The following ANKRD6 variants were observed in gnomAD, a reference collection of about 807,000 sequenced individuals.
The protein encoded by ANKRD6 is ankyrin repeat domain-containing protein 6.
In ANKRD6, 56 loss-of-function variants were observed where a neutral mutation model predicts 82.3. That is an observed-to-expected ratio of 0.68 (90% CI 0.55 to 0.85). The LOEUF (loss-of-function observed/expected upper bound fraction) is 0.85, where lower values mean the gene tolerates loss of function less well. ANKRD6 is among the 40% of genes least tolerant of loss of function. ANKRD6 has a pLI of 0.00. For missense variants in ANKRD6, 852 were observed against 907.6 expected (o/e 0.94, Z 0.79); for synonymous variants, 347 against 352.1 (o/e 0.99, Z 0.16).
chr6:89,487,979 C>T (rs1349289826), intron 1 of ANKRD6, among the ~76,000 whole-genome samples: 2 of 152,220 alleles, frequency 1.3e-5, no homozygotes, highest in Admixed American at 6.5e-5. Context: ...AAAGAAATTG[C>T]TGCAAGTTGG....
chr6:89,448,796 C>T (rs1369455703), intron 1 of ANKRD6, among the ~76,000 whole-genome samples: 4 of 151,988 alleles, frequency 2.6e-5, no homozygotes, highest in East Asian at 1.9e-4. Flanking sequence ...TTTGGGAGGC[C>T]GAGATGGGCG....
At chr6:89,626,262 A>G (rs1358870950) in intron 13 of ANKRD6, among the ~76,000 whole-genome samples, 2 of 152,200 alleles carry the variant, frequency 1.3e-5, no homozygotes, top group East Asian at 1.9e-4. Flanking sequence ...GGAATGAGAG[A>G]TGAATGTTGG....
intron 1 of ANKRD6, among the ~76,000 whole-genome samples, chr6:89,564,953 A>G (rs1788154690): frequency 1.3e-5 from 2 of 152,164 alleles, no homozygotes; most frequent in South Asian, 4.1e-4. Flanking sequence ...GTGATTTTGC[A>G]ATATTTGGGC....
chr6:89,477,101 C>T (rs996616631), intron 1 of ANKRD6, among the ~76,000 whole-genome samples: 3 of 152,090 alleles, frequency 2.0e-5, no homozygotes, highest in Non-Finnish European at 4.4e-5. Context: ...CCCCCTACCA[C>T]GCCCGGCTAA....
chr6:89,534,585 A>G (rs1156670328), intron 1 of ANKRD6, among the ~76,000 whole-genome samples: 1 of 152,158 alleles, frequency 6.6e-6, no homozygotes, highest in East Asian at 1.9e-4. Flanking sequence ...TTTCTTGATT[A>G]GACCTCTCCT....
At chr6:89,570,301 T>C (rs575848616) in intron 2 of ANKRD6, among the ~76,000 whole-genome samples, 86 of 152,248 alleles carry the variant, frequency 5.6e-4, no homozygotes, top group African/African-American at 2.0e-3. Flanking sequence ...TCTCAAGTGA[T>C]CTTCCCTCCT....
At chr6:89,528,264 T>C (rs1335139595) in intron 1 of ANKRD6, among the ~76,000 whole-genome samples, 1 of 152,268 alleles carries the variant, frequency 6.6e-6, no homozygotes, top group South Asian at 2.1e-4. Context: ...TCAAATCCTA[T>C]TGCTGCCTTG....
intron 1 of ANKRD6, among the ~76,000 whole-genome samples, chr6:89,489,034 C>A (rs1432722455): frequency 6.6e-6 from 1 of 152,152 alleles, no homozygotes; most frequent in Non-Finnish European, 1.5e-5. Context: ...TTTCTTAGGA[C>A]TGTGGGTTGA....
intron 2 of ANKRD6, among the ~76,000 whole-genome samples, chr6:89,573,916 A>G (rs1411135281): frequency 6.6e-6 from 1 of 152,148 alleles, no homozygotes; most frequent in Non-Finnish European, 1.5e-5. Flanking sequence ...CACCCAGTGA[A>G]TGGTACCCTG....
intron 1 of ANKRD6, among the ~76,000 whole-genome samples, chr6:89,471,517 T>TGGGGAGAGGAGG (rs1274896076): frequency 6.6e-6 from 1 of 151,998 alleles, no homozygotes; most frequent in African/African-American, 2.4e-5. Context: ...GTGGATTACC[T>TGGGGAGAGGAGG]AATGTTACAG....
At chr6:89,593,882 C>T (rs1301881001) in intron 2 of ANKRD6, among the ~76,000 whole-genome samples, 1 of 152,206 alleles carries the variant, frequency 6.6e-6, no homozygotes, top group African/African-American at 2.4e-5. Flanking sequence ...GTTATTTCTT[C>T]TGGATGTCAC....
intron 2 of ANKRD6, among the ~76,000 whole-genome samples, chr6:89,576,116 A>G (rs1039353716): frequency 1.3e-5 from 2 of 151,138 alleles, no homozygotes; most frequent in Non-Finnish European, 2.9e-5. Context: ...CAGTGGTGCG[A>G]TCTCAGCTCA....
chr6:89,503,363 A>G (rs761724644), intron 1 of ANKRD6, among the ~76,000 whole-genome samples: 18 of 152,222 alleles, frequency 1.2e-4, no homozygotes, highest in Non-Finnish European at 2.4e-4. Context: ...ATTAGAGGAC[A>G]GAAGGCCATT....
At position 89,629,624 on chromosome 6, in the gene ANKRD6, T is replaced by G. The variant is rs1001582940; in HGVS notation, c.1612+386T>G. On this transcript the variant is annotated intron_variant, in intron 15 of 15. Transcript: ENST00000339746. ...TTTTACCTCTTCCTTCTCTTTGATC[T>G]GCCTTTTACTTTTGTCCAACTATGC... is the stretch of plus-strand genomic sequence containing the variant. 3.3e-5 allele frequency: 10 copies of G among 304,598 alleles called. No individual in the cohort carries two copies. In the East Asian group the frequency reaches 7.9e-4, roughly 24 times the overall value. 18.9% of individuals were successfully genotyped at this position (304,598 alleles called of 1,614,324 possible). A position where few individuals can be genotyped will look rare whatever the true frequency, so the allele number is the denominator to read the frequency against.
chr6:89,588,092 T>C (rs1794129479), intron 2 of ANKRD6, among the ~76,000 whole-genome samples: 1 of 152,210 alleles, frequency 6.6e-6, no homozygotes, highest in Non-Finnish European at 1.5e-5. Flanking sequence ...CCATCTATGA[T>C]AAGAGGACCC....
Position 89,603,193 on chromosome 6 carries a change from G to A in ANKRD6, c.318+66G>A, listed in dbSNP as rs1254999666. 3 of 1,454,612 alleles carry A rather than the reference G, an allele frequency of 2.1e-6. No homozygotes were observed. In the African/African-American group the frequency reaches 4.2e-5, roughly 20 times the overall value. 90.1% of individuals were successfully genotyped at this position (1,454,612 alleles called of 1,614,324 possible). On this transcript the variant is annotated intron_variant, in intron 4 of 15. Coordinates refer to ENST00000339746, the MANE Select transcript of ANKRD6 (RefSeq NM_001242809.2). ...AAGCCAGTGGCTCAGGGGAGCTGGAGGAGCCCGCTCTGGAAACTTTTGAGT... is the reference window on the plus strand; with the variant it reads ...AAGCCAGTGGCTCAGGGGAGCTGGAAGAGCCCGCTCTGGAAACTTTTGAGT...
chr6:89,591,090 T>C (rs1794797288), intron 2 of ANKRD6, among the ~76,000 whole-genome samples: 1 of 152,070 alleles, frequency 6.6e-6, no homozygotes, highest in South Asian at 2.1e-4. Flanking sequence ...GCTTTAAAAC[T>C]TCGTCCTTTT....
chr6:89,606,395 C>CA (rs966752640), intron 5 of ANKRD6, among the ~76,000 whole-genome samples: 2 of 151,868 alleles, frequency 1.3e-5, no homozygotes, highest in African/African-American at 4.8e-5. Context: ...TTTTTGTATT[C>CA]AAAAAATATG....
chr6:89,570,063 ATGTGTGTGTG>A lies in ANKRD6; in HGVS notation c.120+2983_120+2992del, dbSNP rs10651458. 3.4e-3 allele frequency among the ~76,000 whole-genome samples: 508 copies of A among 148,870 alleles called. 2 individuals are homozygous for A. The highest frequency in any genetic ancestry group is 7.7e-3 in the South Asian group (36 of 4,652). ...TACTCGTGTGTGTGTATGTGTGTAT[ATGTGTGTGTG>A]TGTGTGTGTGTGTGTATAATTTATT... On this transcript the variant is annotated intron_variant, in intron 2 of 15. Transcript: ENST00000339746.
Sources: allele counts gnomAD v4.1 joint callset (sites outside exome capture counted in the v4.1 genomes callset), GRCh38; gene constraint gnomAD v4.1.1; transcripts MANE v1.5; gene names NCBI Gene and HGNC (gene_info 2026-07-23, HGNC 2026-07-21).